SETBP1: variants seen among roughly 807,000 people sequenced by gnomAD.
SETBP1 encodes the protein SET-binding protein.
Under a neutral mutation model 101.0 loss-of-function variants are expected in SETBP1, and 9 were observed. That is an observed-to-expected ratio of 0.09 (90% CI 0.05 to 0.16). The LOEUF is 0.16. Ranked by LOEUF, SETBP1 falls within the 10% of genes least tolerant of loss-of-function variation. SETBP1 has a pLI of 1.00. For missense variants in SETBP1, 1,858 were observed against 2,033.8 expected, an observed-to-expected ratio of 0.91 and a Z score of 1.66; for synonymous variants, 818 against 788.5, an observed-to-expected ratio of 1.04 and a Z score of -0.63.
At chr18:44,926,329 C>A (rs1414394593) in intron 3 of SETBP1, among the ~76,000 whole-genome samples, 1 of 152,088 alleles carries the variant, frequency 6.6e-6, no homozygotes, top group East Asian at 1.9e-4. Context: ...TTATCAAAGG[C>A]TGGGAGAAAA....
At chr18:44,761,750 G>T (rs1359745036) in intron 2 of SETBP1, among the ~76,000 whole-genome samples, 3 of 152,158 alleles carry the variant, frequency 2.0e-5, no homozygotes, top group African/African-American at 7.2e-5. Context: ...TGGACCTTTG[G>T]TAATCATTGT....
At chr18:44,802,833 G>C (rs1006248786) in intron 2 of SETBP1, among the ~76,000 whole-genome samples, 5 of 152,012 alleles carry the variant, frequency 3.3e-5, no homozygotes, top group African/African-American at 9.7e-5. Flanking sequence ...TTCATTTCTG[G>C]CCATGGGGTA....
At chr18:44,899,357 A>G (rs1166186013) in intron 3 of SETBP1, among the ~76,000 whole-genome samples, 1 of 152,208 alleles carries the variant, frequency 6.6e-6, no homozygotes, top group African/African-American at 2.4e-5. Context: ...TTCCTCCCCA[A>G]AGGAGATCAT....
intron 4 of SETBP1, among the ~76,000 whole-genome samples, chr18:44,998,879 T>A (rs182424771): frequency 6.6e-6 from 1 of 152,342 alleles, no homozygotes; most frequent in East Asian, 1.9e-4. Flanking sequence ...TTTTGACATG[T>A]CAGGTTTGAT....
intron 4 of SETBP1, among the ~76,000 whole-genome samples, chr18:44,973,640 G>A (rs956156943): frequency 2.0e-5 from 3 of 152,194 alleles, no homozygotes; most frequent in African/African-American, 4.8e-5. Flanking sequence ...TTGAGGGCCC[G>A]ATGGCTAGAC....
Position 45,063,134 on chromosome 18 carries a change from C to G in SETBP1, c.4227C>G (p.Cys1409Trp). Residue 1409 changes from cysteine to tryptophan, a missense_variant, in exon 6 of 6, where the codon TGC (cysteine) becomes TGG (tryptophan). Physicochemically the swap from Cys to Trp is radical, Grantham distance 215. Around this residue, in one of 12 missense-constraint regions of SETBP1, gnomAD observed 417 missense variants for 389.1 expected, o/e 1.07. Coordinates refer to ENST00000649279, the MANE Select transcript of SETBP1 (RefSeq NM_015559.3). ...FKRREIEAIQCEVRKMCNYTK... is the reference protein window; with the variant it reads ...FKRREIEAIQWEVRKMCNYTK... ...GGCGGGAGATCGAAGCCATCCAGTGCGAAGTGCGGAAGATGTGCAACTACA... is the reference window on the plus strand; with the variant it reads ...GGCGGGAGATCGAAGCCATCCAGTGGGAAGTGCGGAAGATGTGCAACTACA... 1 of 1,613,974 alleles carries G rather than the reference C, an allele frequency of 6.2e-7. No individual in the cohort carries two copies. Among genetic ancestry groups the G allele is most frequent in the Non-Finnish European group, 8.5e-7 (1 of 1,180,002 alleles).
chr18:44,806,734 C>G (rs1290129014), intron 2 of SETBP1, among the ~76,000 whole-genome samples: 1 of 136,012 alleles, frequency 7.4e-6, no homozygotes, highest in Non-Finnish European at 1.5e-5. Flanking sequence ...AGTGGCTACT[C>G]ACAGGTGTGA....
intron 2 of SETBP1, among the ~76,000 whole-genome samples, chr18:44,822,190 C>G (rs1203782438): frequency 6.6e-6 from 1 of 152,184 alleles, no homozygotes; most frequent in Non-Finnish European, 1.5e-5. Flanking sequence ...AGAATGTTTG[C>G]TGTCTTCATT....
chr18:44,886,875 T>C (rs1169497386), intron 3 of SETBP1, among the ~76,000 whole-genome samples: 1 of 151,928 alleles, frequency 6.6e-6, no homozygotes, highest in Non-Finnish European at 1.5e-5. Context: ...CCCACTGAGT[T>C]CCTCCAAAGT....
At chr18:44,746,750 ATATCAT>A (rs1300207418) in intron 2 of SETBP1, among the ~76,000 whole-genome samples, 1 of 152,226 alleles carries the variant, frequency 6.6e-6, no homozygotes, top group Admixed American at 6.5e-5. Flanking sequence ...GTGGCAATTA[ATATCAT>A]GCATGGGACA....
At chr18:45,019,866 A>C (rs1304528051) in intron 4 of SETBP1, among the ~76,000 whole-genome samples, 2 of 152,118 alleles carry the variant, frequency 1.3e-5, no homozygotes, top group Non-Finnish European at 2.9e-5. Context: ...TTTGGAGTCC[A>C]CACACTAAAT....
intron 2 of SETBP1, among the ~76,000 whole-genome samples, chr18:44,866,768 C>A (rs2069138685): frequency 6.6e-6 from 1 of 152,196 alleles, no homozygotes; most frequent in African/African-American, 2.4e-5. Context: ...CCATACGAAT[C>A]TTATGCCCAG....
chr18:44,856,687 C>T (rs10853525), intron 2 of SETBP1, among the ~76,000 whole-genome samples: 53,687 of 152,062 alleles, frequency 0.35, 9,925 homozygotes, highest in Non-Finnish European at 0.41. Flanking sequence ...TTGCAAAACT[C>T]TTGTAAATTT....
intron 2 of SETBP1, among the ~76,000 whole-genome samples, chr18:44,791,855 G>A (rs1053647197): frequency 3.3e-5 from 5 of 152,096 alleles, no homozygotes; most frequent in African/African-American, 1.2e-4. Flanking sequence ...CAGCTGAGGC[G>A]GCCGCTTAAT....
At chr18:44,715,206 C>T (rs1401997493) in intron 2 of SETBP1, among the ~76,000 whole-genome samples, 1 of 152,196 alleles carries the variant, frequency 6.6e-6, no homozygotes, top group Non-Finnish European at 1.5e-5. Context: ...TTGGCCCTGG[C>T]TGTGGGTAAA....
At chr18:44,788,012 T>C (rs1599128402) in intron 2 of SETBP1, among the ~76,000 whole-genome samples, 1 of 151,598 alleles carries the variant, frequency 6.6e-6, no homozygotes, top group East Asian at 1.9e-4. Context: ...GTTTTTTTTT[T>C]TTCTTCACAA....
intron 2 of SETBP1, among the ~76,000 whole-genome samples, chr18:44,839,366 A>G (rs527483237): frequency 6.6e-6 from 1 of 152,294 alleles, no homozygotes; most frequent in East Asian, 1.9e-4. Flanking sequence ...TGAATGGGGA[A>G]GGAAGAAGAA....
At chr18:44,729,092 G>A (rs939255095) in intron 2 of SETBP1, among the ~76,000 whole-genome samples, 1 of 152,196 alleles carries the variant, frequency 6.6e-6, no homozygotes, top group Non-Finnish European at 1.5e-5. Context: ...TAGGTCATCT[G>A]CCTGTTACAG....
intron 2 of SETBP1, among the ~76,000 whole-genome samples, chr18:44,731,031 T>C (rs1307063499): frequency 6.6e-6 from 1 of 152,176 alleles, no homozygotes; most frequent in Non-Finnish European, 1.5e-5. Flanking sequence ...TCAGCTCTTC[T>C]CCATGTCTTG....
Sources: gnomAD v4.1 joint callset for allele counts (sites outside exome capture counted in the v4.1 genomes callset) on GRCh38, gnomAD v4.1.1 for gene constraint, gnomAD v4.1.1 regional missense constraint, MANE v1.5 for transcripts, NCBI Gene and HGNC (gene_info 2026-07-23, HGNC 2026-07-21) for gene names.